The following FANCC variants were observed in gnomAD, a reference collection of about 807,000 sequenced individuals.
The protein encoded by FANCC is FA complementation group C, also known as Fanconi anemia group C protein.
A neutral mutation model predicts 71.3 loss-of-function variants in FANCC; 55 were observed. The ratio of observed to expected loss-of-function variants is 0.77; its 90% CI spans 0.62 to 0.97. The LOEUF is 0.97. FANCC is among the 50% of genes least tolerant of loss of function. FANCC has a pLI of 0.00. For missense variants in FANCC, 678 were observed against 670.9 expected (o/e 1.01, Z -0.12); for synonymous variants, 275 against 244.9 (o/e 1.12, Z -1.15).
At chr9:95,175,967 C>G (rs1414877092) in intron 4 of FANCC, among the ~76,000 whole-genome samples, 1 of 152,216 alleles carries the variant, frequency 6.6e-6, no homozygotes, top group Non-Finnish European at 1.5e-5. Flanking sequence ...CAGTCTGATG[C>G]TAGGTGAGGG....
chr9:95,118,760 T>C (rs191939947), intron 10 of FANCC, among the ~76,000 whole-genome samples: 141 of 152,384 alleles, frequency 9.3e-4, no homozygotes, highest in South Asian at 2.9e-3. Flanking sequence ...CTGTTTTTAT[T>C]GCTCAGAAGT....
rs1368953347 is a variant in FANCC at position 95,292,575 on chromosome 9, T to A, written c.-79+24951A>T. 2.2e-4 allele frequency: 316 copies of A among 1,463,550 alleles called. 5 individuals carry two copies. The South Asian group carries it at 3.6e-3, about 17-fold the overall frequency. The allele number at this position is 1,463,550 out of a possible 1,614,324, so 90.7% of individuals were successfully genotyped here. A position where few individuals can be genotyped will look rare whatever the true frequency, so the allele number is the denominator to read the frequency against. The stretch of plus-strand genomic sequence containing the variant: ...GGTGAGCGAGCTGTCCCAGACCACA[T>A]GGCCCAACATCCTGTGCACCGTGCG... On this transcript the variant is annotated intron_variant, in intron 1 of 14. Coordinates refer to ENST00000289081, the MANE Select transcript of FANCC (RefSeq NM_000136.3).
chr9:95,308,561 C>T (rs1835201181), intron 1 of FANCC, among the ~76,000 whole-genome samples: 1 of 152,134 alleles, frequency 6.6e-6, no homozygotes, highest in Admixed American at 6.5e-5. Context: ...GCTGGGATTA[C>T]AGGCAGGAGC....
At chr9:95,101,896 C>T (rs1184439510) in intron 14 of FANCC, 46 bp from the exon 15 acceptor site, 2 of 1,611,264 alleles carry the variant, frequency 1.2e-6, no homozygotes, top group Non-Finnish European at 1.7e-6. Flanking sequence ...ACTTTCCAGA[C>T]AGATTTGTCC....
At chr9:95,291,308 T>A (rs1431667589) in intron 1 of FANCC, among the ~76,000 whole-genome samples, 2 of 152,032 alleles carry the variant, frequency 1.3e-5, no homozygotes, top group Admixed American at 1.3e-4. Context: ...GATGACACAG[T>A]ACATAGAAAA....
chr9:95,261,894 G>T lies in FANCC; in HGVS notation c.-78-12525C>A, dbSNP rs943944341. Among the ~76,000 whole-genome samples the T allele has an allele frequency of 7.2e-5, 11 of 152,292 alleles. No homozygotes were observed. In the South Asian group the frequency reaches 8.3e-4, roughly 12 times the overall value. ...GGAGCGGATCCTTCAGAAGCAGGAAGAGGTGAGGGGCTGGGATAAAGTACC... is the reference window on the plus strand; with the variant it reads ...GGAGCGGATCCTTCAGAAGCAGGAATAGGTGAGGGGCTGGGATAAAGTACC... On this transcript the variant is annotated intron_variant, in intron 1 of 14. Coordinates refer to ENST00000289081, the MANE Select transcript of FANCC (RefSeq NM_000136.3).
chr9:95,133,872 C>T (rs1391842583), intron 8 of FANCC, among the ~76,000 whole-genome samples: 1 of 152,172 alleles, frequency 6.6e-6, no homozygotes, highest in East Asian at 1.9e-4. Context: ...TGTCAGAGGG[C>T]TTCTGAAAGT....
At chr9:95,160,797 G>A (rs908268897) in intron 6 of FANCC, among the ~76,000 whole-genome samples, 2 of 152,050 alleles carry the variant, frequency 1.3e-5, no homozygotes, top group Admixed American at 6.6e-5. Flanking sequence ...GCAATTGTGA[G>A]TGGGAGTTCA....
chr9:95,298,422 T>C (rs1439654982), intron 1 of FANCC, among the ~76,000 whole-genome samples: 1 of 151,800 alleles, frequency 6.6e-6, no homozygotes, highest in Non-Finnish European at 1.5e-5. Flanking sequence ...AGGCAGTGGG[T>C]ATGTGAGGAA....
At chr9:95,293,427 A>G in intron 1 of FANCC, 2 of 1,571,986 alleles carry the variant, frequency 1.3e-6, no homozygotes, top group Non-Finnish European at 1.7e-6. Flanking sequence ...TTGCTCTCTT[A>G]AAGAGAGCCT....
At chr9:95,139,521 G>A (rs892393198) in intron 7 of FANCC, among the ~76,000 whole-genome samples, 7 of 152,076 alleles carry the variant, frequency 4.6e-5, no homozygotes, top group Admixed American at 6.5e-5. Flanking sequence ...GTGCACCCAC[G>A]GGGATGGCGG....
At chr9:95,256,602 A>G (rs1053556420) in intron 1 of FANCC, among the ~76,000 whole-genome samples, 1 of 152,154 alleles carries the variant, frequency 6.6e-6, no homozygotes, top group Non-Finnish European at 1.5e-5. Context: ...TGTAAAGACT[A>G]TCGACTCTGT....
rs369210280 is a variant in FANCC, at chr9:95,166,347, G to T, written c.521+4732C>A. ...GGGTTTCATTGATTTTTTTCATAGT[G>T]ACATGCTTTCCTTCTCATTTTCCAT... is the stretch of plus-strand genomic sequence containing the variant. On this transcript the variant is annotated intron_variant, in intron 6 of 14. Coordinates refer to ENST00000289081, the MANE Select transcript of FANCC (RefSeq NM_000136.3). 7.9e-5 allele frequency among the ~76,000 whole-genome samples: 12 copies of T among 151,774 alleles called. No individual in the cohort carries two copies. The East Asian group carries it at 2.1e-3, about 27-fold the overall frequency.
chr9:95,204,523 C>A (rs1009961081), intron 4 of FANCC, among the ~76,000 whole-genome samples: 3 of 152,086 alleles, frequency 2.0e-5, no homozygotes, highest in Non-Finnish European at 4.4e-5. Flanking sequence ...GGCGGGTTGG[C>A]CTTGGTGTCT....
chr9:95,116,532 A>G (rs2072435991), intron 11 of FANCC, among the ~76,000 whole-genome samples: 1 of 152,230 alleles, frequency 6.6e-6, no homozygotes, highest in African/African-American at 2.4e-5. Context: ...ATGGCATAAA[A>G]AGGAAATGTG....
chr9:95,277,277 G>C (rs767743497), intron 1 of FANCC, among the ~76,000 whole-genome samples: 1 of 152,104 alleles, frequency 6.6e-6, no homozygotes, highest in Admixed American at 6.5e-5. Flanking sequence ...TTAAATGAGC[G>C]CTGGGTAGTG....
At chr9:95,208,995 A>G (rs764365870) in intron 4 of FANCC, among the ~76,000 whole-genome samples, 1 of 152,120 alleles carries the variant, frequency 6.6e-6, no homozygotes, top group Non-Finnish European at 1.5e-5. Flanking sequence ...ATAATTCCAA[A>G]ACTTGAAAGC....
intron 6 of FANCC, among the ~76,000 whole-genome samples, chr9:95,163,962 T>G (rs1830911828): frequency 6.6e-6 from 1 of 152,240 alleles, no homozygotes; most frequent in African/African-American, 2.4e-5. Flanking sequence ...AATGTATAGC[T>G]TTCACTGTGC....
chr9:95,232,714 A>G (rs1380194645), intron 4 of FANCC, among the ~76,000 whole-genome samples: 2 of 152,186 alleles, frequency 1.3e-5, no homozygotes, highest in Admixed American at 1.3e-4. Flanking sequence ...AAGAAATTCG[A>G]GCATTTATGC....
Sources: allele counts gnomAD v4.1 joint callset (sites outside exome capture counted in the v4.1 genomes callset), GRCh38; gene constraint gnomAD v4.1.1; transcripts MANE v1.5; gene names NCBI Gene and HGNC (gene_info 2026-07-23, HGNC 2026-07-21).